Variants in DYSF observed in about 807,000 individuals in gnomAD.
DYSF encodes dystrophy-associated fer-1-like 1.
A neutral mutation model predicts 274.9 loss-of-function variants in DYSF; 212 were observed. That is an observed-to-expected ratio of 0.77 (90% CI 0.69 to 0.86). The LOEUF (loss-of-function observed/expected upper bound fraction) is 0.86, where lower values mean the gene tolerates loss of function less well. Ranked by LOEUF, DYSF falls within the 40% of genes least tolerant of loss-of-function variation. The probability of loss-of-function intolerance (pLI) is 0.00; values close to 1 mark genes in which losing one functional copy is unlikely to be tolerated. For missense variants in DYSF, 2,666 were observed against 2,783.2 expected, an observed-to-expected ratio of 0.96 and a Z score of 0.95; for synonymous variants, 1,091 against 1,078.7, an observed-to-expected ratio of 1.01 and a Z score of -0.22.
chr2:71,668,360 C>T (rs2095054947), intron 48 of DYSF, among the ~76,000 whole-genome samples: 1 of 152,178 alleles, frequency 6.6e-6, no homozygotes, highest in Non-Finnish European at 1.5e-5. Context: ...TCACACCTCG[C>T]TTGCAGAGAG....
chr2:71,568,928 A>C (rs1310580735), intron 26 of DYSF, among the ~76,000 whole-genome samples: 2 of 149,194 alleles, frequency 1.3e-5, no homozygotes, highest in East Asian at 4.0e-4. Flanking sequence ...GCTGGAGTGC[A>C]GTGGCGCGAT....
chr2:71,515,886 C>A, intron 8 of DYSF, 135 bp downstream of exon 8: 3 of 1,334,716 alleles, frequency 2.2e-6, no homozygotes, highest in Non-Finnish European at 3.1e-6. Context: ...TGCTGGCTCC[C>A]AAGGAGGTTA....
At chr2:71,526,404 G>T in intron 13 of DYSF, 58 bp downstream of exon 13, 2 of 1,552,426 alleles carry the variant, frequency 1.3e-6, no homozygotes, top group Non-Finnish European at 1.8e-6. Flanking sequence ...CGCAGGGCTG[G>T]TGGGGGTGGG....
intron 23 of DYSF, among the ~76,000 whole-genome samples, chr2:71,562,878 G>A (rs1003344960): frequency 6.6e-6 from 1 of 152,158 alleles, no homozygotes; most frequent in Non-Finnish European, 1.5e-5. Flanking sequence ...GGCTGGTCAC[G>A]GGCTTCCCTC....
chr2:71,594,135 G>A (rs1175786996), intron 32 of DYSF, among the ~76,000 whole-genome samples: 3 of 152,182 alleles, frequency 2.0e-5, no homozygotes, highest in Non-Finnish European at 4.4e-5. Context: ...CTGGGGCCAC[G>A]TCTTGATGAC....
rs56872132 is a variant in DYSF at position 71,547,639 on chromosome 2, C to CAATA, written c.1577-3387_1577-3384dup. 8.0e-3 allele frequency among the ~76,000 whole-genome samples: 1,208 copies of CAATA among 151,944 alleles called. 14 individuals carry two copies. Among genetic ancestry groups the CAATA allele is most frequent in the African/African-American group, 0.025 (1,029 of 41,438 alleles). ...GGGCAACAAGAGCAAGACACTGTCT[C>CAATA]AATAAATAAATAAATAAAAAGAAAG... On this transcript the variant is annotated intron_variant, in intron 17 of 55. Transcript: ENST00000410020.
Position 71,531,082 on chromosome 2 carries a change from T to C in DYSF, c.1380+2681T>C, listed in dbSNP as rs567655123. On this transcript the variant is annotated intron_variant, in intron 14 of 55. Coordinates refer to ENST00000410020, the MANE Select transcript of DYSF (RefSeq NM_001130987.2). Reference sequence around the variant, plus strand: ...AGGACAGGAAGATTTAAAACAACTTTTTTTTTTCTGAATTCAAGAATAAAA... The same window carrying C: ...AGGACAGGAAGATTTAAAACAACTTCTTTTTTTCTGAATTCAAGAATAAAA... Among the ~76,000 whole-genome samples, 13 of 151,934 alleles carry C rather than the reference T, an allele frequency of 8.6e-5. No homozygotes were observed. In the East Asian group the frequency reaches 2.5e-3, roughly 30 times the overall value.
intron 3 of DYSF, among the ~76,000 whole-genome samples, chr2:71,495,062 T>C (rs1014624772): frequency 6.6e-6 from 1 of 152,144 alleles, no homozygotes; most frequent in Non-Finnish European, 1.5e-5. Flanking sequence ...ACCTACCAAG[T>C]TCTATCTAGG....
intron 36 of DYSF, among the ~76,000 whole-genome samples, chr2:71,604,993 CCT>C (rs896126912): frequency 3.9e-5 from 6 of 152,180 alleles, no homozygotes; most frequent in Admixed American, 1.3e-4. Context: ...ATCTGGGACA[CCT>C]CTCTCTGCAG....
chr2:71,650,326 C>A (rs2094634066), intron 42 of DYSF, among the ~76,000 whole-genome samples: 1 of 151,996 alleles, frequency 6.6e-6, no homozygotes, highest in Non-Finnish European at 1.5e-5. Flanking sequence ...ACAAAAAATA[C>A]AAAAATTAGT....
Position 71,682,601 on chromosome 2 carries a change from T to A in DYSF, c.6245T>A (p.Phe2082Tyr). ...KTMKFILWRRFRWAIILFIIL... is the reference protein window; with the variant it reads ...KTMKFILWRRYRWAIILFIIL... ...ATGAAGTTCATCCTGTGGCGGCGTT[T>A]CCGGTGGGCCATCATCCTCTTCATC... Residue 2082 changes from phenylalanine to tyrosine, a missense_variant, in exon 55 of 56, where the codon TTC becomes TAC. This residue lies in a region of DYSF where 1,460 missense variants were observed against 1,502.1 expected (regional missense o/e 0.97). Coordinates refer to ENST00000410020, the MANE Select transcript of DYSF (RefSeq NM_001130987.2). 6.2e-7 allele frequency: 1 copy of A among 1,614,156 alleles called. No homozygotes were observed. Among genetic ancestry groups the A allele is most frequent in the South Asian group, 1.1e-5 (1 of 91,080 alleles).
At chr2:71,637,543 A>G (rs1382886817) in intron 41 of DYSF, among the ~76,000 whole-genome samples, 2 of 152,198 alleles carry the variant, frequency 1.3e-5, no homozygotes, top group African/African-American at 4.8e-5. Flanking sequence ...GTAAAGGGCC[A>G]GGGAAGTGAG....
chr2:71,548,249 C>T (rs1031689248), intron 17 of DYSF, among the ~76,000 whole-genome samples: 2 of 152,184 alleles, frequency 1.3e-5, no homozygotes, highest in African/African-American at 4.8e-5. Flanking sequence ...TGGCCACGCT[C>T]CCTTCTCTCT....
At chr2:71,473,918 A>ATTTTTTTTTTTTTTTTTTTTTTTTTT (rs10659171) in intron 1 of DYSF, among the ~76,000 whole-genome samples, 1 of 83,806 alleles carries the variant, frequency 1.2e-5, no homozygotes. Flanking sequence ...TTTCTGTATG[A>ATTTTTTTTTTTTTTTTTTTTTTTTTT]TTTTTTTTTT....
At chr2:71,533,256 G>C (rs1010265265) in intron 14 of DYSF, among the ~76,000 whole-genome samples, 6 of 152,314 alleles carry the variant, frequency 3.9e-5, no homozygotes, top group Admixed American at 6.5e-5. Context: ...CTGACCTCAA[G>C]TGACCCACCT....
At chr2:71,464,692 G>A (rs562388553), upstream of DYSF, among the ~76,000 whole-genome samples, 1 of 152,274 alleles carries the variant, frequency 6.6e-6, no homozygotes, top group East Asian at 1.9e-4. Flanking sequence ...TCAAGGTCAC[G>A]TAAGGCCTTT....
In DYSF at chr2:71,574,264, C is replaced by A. The variant is rs770433229; in HGVS notation, c.3295C>A (p.Leu1099Ile). The change falls in exon 30 of 56, where the codon CTC becomes ATC. Residue 1099 changes from leucine to isoleucine, a missense_variant. By Grantham distance (5) the Leu-to-Ile change is conservative (BLOSUM62 2). Transcript: ENST00000410020. ...CTCTCTTTTTGGCTGGAAGTTCCAC[C>A]TCGAGTACCGCAAGACAGATGCCTT... ...YASLFGWKFH[L>I]EYRKTDAFRR... The A allele has an allele frequency of 1.9e-6, 3 of 1,614,138 alleles. No homozygotes were observed. In the South Asian group the frequency reaches 3.3e-5, roughly 18 times the overall value.
chr2:71,532,663 G>A (rs969993350), intron 14 of DYSF, among the ~76,000 whole-genome samples: 1 of 152,240 alleles, frequency 6.6e-6, no homozygotes. Flanking sequence ...CCTGGGGCAG[G>A]GGCTGAAGTA....
intron 9 of DYSF, among the ~76,000 whole-genome samples, chr2:71,516,464 A>G (rs1261615132): frequency 1.3e-5 from 2 of 152,234 alleles, no homozygotes; most frequent in Admixed American, 6.5e-5. Flanking sequence ...GTCAGGCTCT[A>G]CGGGTCACAG....
Sources: gnomAD v4.1 joint callset for allele counts (sites outside exome capture counted in the v4.1 genomes callset) on GRCh38, gnomAD v4.1.1 for gene constraint, gnomAD v4.1.1 regional missense constraint, MANE v1.5 for transcripts, NCBI Gene and HGNC (gene_info 2026-07-23, HGNC 2026-07-21) for gene names.